Variants in ROBO2 observed in about 807,000 individuals in gnomAD.
The protein encoded by ROBO2 is roundabout homolog 2.
ROBO2 carries 53 observed loss-of-function variants against 160.8 expected under a neutral mutation model. The ratio of observed to expected loss-of-function variants is 0.33; its 90% CI spans 0.26 to 0.41. ROBO2 has a LOEUF of 0.41. Among genes scored for constraint, ROBO2 ranks in the 10% least tolerant of loss-of-function variants. The probability of loss-of-function intolerance (pLI) is 1.00; values close to 1 mark genes in which losing one functional copy is unlikely to be tolerated. For missense variants in ROBO2, 1,577 were observed against 1,722.4 expected, an observed-to-expected ratio of 0.92 and a Z score of 1.49; for synonymous variants, 664 against 611.7, an observed-to-expected ratio of 1.09 and a Z score of -1.26.
chr3:77,225,619 C>A (rs2086397297), intron 2 of ROBO2, among the ~76,000 whole-genome samples: 1 of 151,714 alleles, frequency 6.6e-6, no homozygotes, highest in South Asian at 2.1e-4. Context: ...TTTTGATTAA[C>A]CTGATTTAAA....
upstream of ROBO2, among the ~76,000 whole-genome samples, chr3:77,039,518 C>G (rs1360056368): frequency 6.6e-6 from 1 of 152,188 alleles, no homozygotes; most frequent in Non-Finnish European, 1.5e-5. Flanking sequence ...AGCCTGGAGC[C>G]CACCTATCCC....
intron 2 of ROBO2, among the ~76,000 whole-genome samples, chr3:77,026,583 C>T (rs925192406): frequency 1.3e-5 from 2 of 152,162 alleles, no homozygotes; most frequent in African/African-American, 4.8e-5. Context: ...AGGGCTCAGA[C>T]TCAATTATTG....
At chr3:76,380,583 G>T (rs2076570746) in intron 2 of ROBO2, among the ~76,000 whole-genome samples, 1 of 151,802 alleles carries the variant, frequency 6.6e-6, no homozygotes, top group African/African-American at 2.4e-5. Context: ...GTTTTCTCTA[G>T]GTTTCTTTAT....
At chr3:77,112,140 C>T (rs374032352) in intron 2 of ROBO2, among the ~76,000 whole-genome samples, 6 of 142,676 alleles carry the variant, frequency 4.2e-5, no homozygotes, top group Non-Finnish European at 7.5e-5. Context: ...TGCAGTGAGC[C>T]GAGATCGCGC....
At chr3:75,908,900 G>A (rs1489858517) in intron 1 of ROBO2, among the ~76,000 whole-genome samples, 1 of 152,132 alleles carries the variant, frequency 6.6e-6, no homozygotes, top group Non-Finnish European at 1.5e-5. Context: ...ATAAAGACAG[G>A]CCACATTTAG....
chr3:76,422,994 G>A (rs1394983593), intron 2 of ROBO2, among the ~76,000 whole-genome samples: 3 of 152,100 alleles, frequency 2.0e-5, no homozygotes, highest in Admixed American at 6.5e-5. Flanking sequence ...AGATGTAGGC[G>A]GAGGTAAGAG....
chr3:77,484,049 A>G (rs1042706967), intron 4 of ROBO2, among the ~76,000 whole-genome samples: 1 of 151,988 alleles, frequency 6.6e-6, no homozygotes, highest in Non-Finnish European at 1.5e-5. Context: ...GGTGTAACCT[A>G]ACTTTAAAAA....
At chr3:75,992,231 A>C (rs2065593950) in intron 2 of ROBO2, among the ~76,000 whole-genome samples, 1 of 152,168 alleles carries the variant, frequency 6.6e-6, no homozygotes, top group Non-Finnish European at 1.5e-5. Flanking sequence ...TCTTTGTGGT[A>C]GCCCTTCCCA....
At chr3:76,124,650 A>G (rs530975222) in intron 2 of ROBO2, among the ~76,000 whole-genome samples, 1 of 152,092 alleles carries the variant, frequency 6.6e-6, no homozygotes, top group Non-Finnish European at 1.5e-5. Context: ...ACTTCTATGC[A>G]ATGAGATTGT....
intron 21 of ROBO2, 73 bp downstream of exon 22, chr3:77,608,027 T>G (rs1409488677): frequency 6.9e-7 from 1 of 1,458,630 alleles, no homozygotes; most frequent in Non-Finnish European, 9.6e-7. Context: ...TTTGCCATCA[T>G]CTTATGTTCT....
chr3:77,317,519 A>G, intron 2 of ROBO2: 2 of 1,431,344 alleles, frequency 1.4e-6, no homozygotes, highest in Non-Finnish European at 1.9e-6. Context: ...TCGTTTTCAA[A>G]TCAAGCTTTA....
chr3:76,653,037 A>G (rs1015811488), intron 2 of ROBO2, among the ~76,000 whole-genome samples: 1 of 152,096 alleles, frequency 6.6e-6, no homozygotes, highest in African/African-American at 2.4e-5. Context: ...ATTATTCAGT[A>G]GCCCTATAAA....
At chr3:76,780,382 T>G (rs948095827) in intron 2 of ROBO2, among the ~76,000 whole-genome samples, 1 of 150,938 alleles carries the variant, frequency 6.6e-6, no homozygotes, top group Non-Finnish European at 1.5e-5. Flanking sequence ...GTAGGTTGCT[T>G]TTTCATCTTG....
At chr3:75,971,162 T>C (rs1430451657) in intron 2 of ROBO2, among the ~76,000 whole-genome samples, 4 of 151,432 alleles carry the variant, frequency 2.6e-5, no homozygotes, top group African/African-American at 9.7e-5. Context: ...CTAAGAACAA[T>C]ATACATTTTT....
intron 2 of ROBO2, among the ~76,000 whole-genome samples, chr3:76,652,994 A>G (rs530816930): frequency 6.4e-4 from 97 of 152,180 alleles, no homozygotes; most frequent in African/African-American, 7.5e-4. Context: ...ATTTATTACA[A>G]ATTTTCTGAG....
At chr3:77,394,958 A>C (rs7617854) in intron 2 of ROBO2, among the ~76,000 whole-genome samples, 148 of 152,254 alleles carry the variant, frequency 9.7e-4, no homozygotes, top group African/African-American at 3.6e-3. Flanking sequence ...TGCTTGCCTA[A>C]ATAGGCCCAG....
intron 2 of ROBO2, among the ~76,000 whole-genome samples, chr3:76,993,003 AGAT>A (rs1297527085): frequency 6.6e-6 from 1 of 152,036 alleles, no homozygotes; most frequent in Non-Finnish European, 1.5e-5. Context: ...TTTTTAGTAG[AGAT>A]GATGTTTCAC....
At chr3:77,342,725 A>G (rs375483767) in intron 2 of ROBO2, among the ~76,000 whole-genome samples, 7 of 152,080 alleles carry the variant, frequency 4.6e-5, no homozygotes, top group African/African-American at 1.4e-4. Flanking sequence ...TCCCCCACCC[A>G]ACACACACAT....
intron 2 of ROBO2, among the ~76,000 whole-genome samples, chr3:77,214,333 A>G (rs947118854): frequency 6.6e-6 from 1 of 152,056 alleles, no homozygotes; most frequent in African/African-American, 2.4e-5. Context: ...CCATTATGTA[A>G]TGGCCTTCTT....
Sources: allele counts gnomAD v4.1 joint callset (sites outside exome capture counted in the v4.1 genomes callset), GRCh38; gene constraint gnomAD v4.1.1; transcripts MANE v1.5; gene names NCBI Gene and HGNC (gene_info 2026-07-23, HGNC 2026-07-21).